EPHA5: variants seen among roughly 807,000 people sequenced by gnomAD.
EPHA5 encodes EPH receptor A5, also known as ephrin type-A receptor 5.
EPHA5 carries 60 observed loss-of-function variants against 105.0 expected under a neutral mutation model. The ratio of observed to expected loss-of-function variants is 0.57; its 90% CI spans 0.46 to 0.71. EPHA5 has a LOEUF of 0.71. Among genes scored for constraint, EPHA5 ranks in the 30% least tolerant of loss-of-function variants. The pLI, the probability that EPHA5 is intolerant of heterozygous loss-of-function variation, is 0.00. For missense variants in EPHA5, 1,218 were observed against 1,274.7 expected, an observed-to-expected ratio of 0.96 and a Z score of 0.68; for synonymous variants, 513 against 449.1, an observed-to-expected ratio of 1.14 and a Z score of -1.80.
rs4860651 is a variant in EPHA5, at chr4:65,322,577, T to C, written c.*1537A>G. On this transcript the variant is annotated 3_prime_UTR_variant, in exon 17 of 17. Coordinates refer to ENST00000613740, the MANE Select transcript of EPHA5 (RefSeq NM_001281766.3). The stretch of plus-strand genomic sequence containing the variant: ...CAGGAGCTCAGTTTTGGACAATTTC[T>C]AATACACTGCATAATTTGTATCACA... 65,218 of 223,910 alleles carry C rather than the reference T, an allele frequency of 0.29. 10,198 individuals are homozygous for C. Among genetic ancestry groups the C allele is most frequent in the Middle Eastern group, 0.36 (262 of 722 alleles). The allele number at this position is 223,910 out of a possible 1,614,324, so 13.9% of individuals were successfully genotyped here.
At chr4:65,607,376 G>C (rs1744334208) in intron 2 of EPHA5, among the ~76,000 whole-genome samples, 1 of 152,004 alleles carries the variant, frequency 6.6e-6, no homozygotes, top group African/African-American at 2.4e-5. Flanking sequence ...ACTATCATCG[G>C]AGTGAACAGG....
chr4:65,467,029 T>A (rs989490101), intron 5 of EPHA5, among the ~76,000 whole-genome samples: 1 of 152,226 alleles, frequency 6.6e-6, no homozygotes, highest in African/African-American at 2.4e-5. Flanking sequence ...TTAATTACCA[T>A]TGGGACAAAA....
chr4:65,350,474 AAT>A (rs1370650819), intron 13 of EPHA5, among the ~76,000 whole-genome samples: 1 of 152,152 alleles, frequency 6.6e-6, no homozygotes, highest in African/African-American at 2.4e-5. Flanking sequence ...TTACTTTGAG[AAT>A]GAGAGCTATC....
chr4:65,341,613 A>G (rs1223719713), intron 14 of EPHA5, among the ~76,000 whole-genome samples: 1 of 150,720 alleles, frequency 6.6e-6, no homozygotes, highest in Non-Finnish European at 1.5e-5. Context: ...GTGTATATGT[A>G]TATATGTTAT....
intron 2 of EPHA5, among the ~76,000 whole-genome samples, chr4:65,611,298 G>T (rs1057008070): frequency 6.6e-6 from 1 of 151,938 alleles, no homozygotes; most frequent in Non-Finnish European, 1.5e-5. Context: ...AAATTGAAAA[G>T]TAACATAATT....
chr4:65,374,470 G>C (rs1472936674), intron 8 of EPHA5, among the ~76,000 whole-genome samples: 1 of 151,760 alleles, frequency 6.6e-6, no homozygotes, highest in African/African-American at 2.4e-5. Flanking sequence ...TGATGGATGT[G>C]GTTTCCTGGT....
chr4:65,334,972 C>T (rs1178388478), intron 15 of EPHA5, among the ~76,000 whole-genome samples: 1 of 151,902 alleles, frequency 6.6e-6, no homozygotes, highest in East Asian at 1.9e-4. Flanking sequence ...TCTCCATTTG[C>T]TACCACAGGA....
At chr4:65,599,590 C>A (rs558701239) in intron 3 of EPHA5, among the ~76,000 whole-genome samples, 2 of 152,114 alleles carry the variant, frequency 1.3e-5, no homozygotes, top group Non-Finnish European at 1.5e-5. Flanking sequence ...TTAATCATAC[C>A]GACTACATGT....
chr4:65,413,655 C>A (rs934149795), intron 7 of EPHA5, among the ~76,000 whole-genome samples: 4 of 152,042 alleles, frequency 2.6e-5, no homozygotes, highest in Admixed American at 1.3e-4. Flanking sequence ...ACTTTAATAG[C>A]GTCTATTTCT....
intron 8 of EPHA5, among the ~76,000 whole-genome samples, chr4:65,396,023 A>G (rs1318386452): frequency 2.0e-5 from 3 of 152,192 alleles, no homozygotes; most frequent in Admixed American, 2.0e-4. Flanking sequence ...GCACAGCTGC[A>G]GCCACCCAAC....
At chr4:65,480,242 A>G (rs1730223813) in intron 5 of EPHA5, among the ~76,000 whole-genome samples, 1 of 152,198 alleles carries the variant, frequency 6.6e-6, no homozygotes, top group Admixed American at 6.6e-5. Flanking sequence ...TATAGGTAGA[A>G]ATTTTCATTC....
chr4:65,508,933 C>T (rs59678769), intron 3 of EPHA5, among the ~76,000 whole-genome samples: 1 of 152,062 alleles, frequency 6.6e-6, no homozygotes, highest in Non-Finnish European at 1.5e-5. Flanking sequence ...CATACAGTTG[C>T]TTTAAACTAC....
chr4:65,461,683 A>AT (rs1340536832), intron 5 of EPHA5, among the ~76,000 whole-genome samples: 1 of 152,084 alleles, frequency 6.6e-6, no homozygotes, highest in Non-Finnish European at 1.5e-5. Flanking sequence ...TAAAAGATAT[A>AT]TAAACCTTGC....
At chr4:65,386,976 T>C (rs1057385591) in intron 8 of EPHA5, among the ~76,000 whole-genome samples, 1 of 151,606 alleles carries the variant, frequency 6.6e-6, no homozygotes, top group African/African-American at 2.4e-5. Context: ...CTGAAACTTA[T>C]AGGAAAGTGA....
intron 3 of EPHA5, among the ~76,000 whole-genome samples, chr4:65,552,760 C>A (rs55682116): frequency 0.12 from 17,559 of 152,060 alleles, 1,447 homozygotes; most frequent in East Asian, 0.3. Context: ...GTTTTCCTTT[C>A]TAATTATATT....
At chr4:65,607,452 C>T (rs974887151) in intron 2 of EPHA5, among the ~76,000 whole-genome samples, 13 of 147,930 alleles carry the variant, frequency 8.8e-5, no homozygotes, top group African/African-American at 2.7e-4. Flanking sequence ...TATCCAGAAT[C>T]TACCCCCCAA....
intron 1 of EPHA5, among the ~76,000 whole-genome samples, chr4:65,656,436 T>C (rs1221407000): frequency 6.6e-6 from 1 of 151,376 alleles, no homozygotes; most frequent in Non-Finnish European, 1.5e-5. Flanking sequence ...ATTTTCTTGA[T>C]ACGAGTTTTC....
At chr4:65,613,902 A>C (rs901922228) in intron 2 of EPHA5, among the ~76,000 whole-genome samples, 4 of 152,000 alleles carry the variant, frequency 2.6e-5, no homozygotes, top group Non-Finnish European at 4.4e-5. Flanking sequence ...GGGATTGACT[A>C]TCTGAAGACA....
intron 2 of EPHA5, among the ~76,000 whole-genome samples, chr4:65,602,931 A>G (rs1456646085): frequency 1.7e-4 from 26 of 152,150 alleles, no homozygotes; most frequent in Admixed American, 1.7e-3. Flanking sequence ...CAAATTGGCT[A>G]GCTAAATATT....
Sources: allele counts gnomAD v4.1 joint callset (sites outside exome capture counted in the v4.1 genomes callset), GRCh38; gene constraint gnomAD v4.1.1; transcripts MANE v1.5; gene names NCBI Gene and HGNC (gene_info 2026-07-23, HGNC 2026-07-21).